The following CFAP210 variants were observed in gnomAD, a reference collection of about 807,000 sequenced individuals.
CFAP210 encodes the protein cilia and flagella associated protein 210.
chr2:169,694,399 G>A, the CFAP210 span: 13 of 1,449,236 alleles, frequency 9.0e-6, no homozygotes, highest in Admixed American at 1.8e-5. Flanking sequence ...GTTGTTACTC[G>A]TACCACGCGG....
At chr2:169,646,189 G>C in the CFAP210 span, 1 of 1,582,942 alleles carries the variant, frequency 6.3e-7, no homozygotes, top group African/African-American at 1.4e-5. Context: ...TGGCCTATTT[G>C]GGAAAGAAAG....
At chr2:169,678,695 C>T in the CFAP210 span, among the ~76,000 whole-genome samples, 5 of 151,658 alleles carry the variant, frequency 3.3e-5, no homozygotes, top group African/African-American at 7.3e-5. Context: ...CATGATGGTG[C>T]GGGCCTGTAT....
the CFAP210 span, among the ~76,000 whole-genome samples, chr2:169,673,455 A>T: frequency 6.6e-5 from 10 of 152,346 alleles, no homozygotes; most frequent in East Asian, 1.9e-3. Flanking sequence ...CCAAAGAAAA[A>T]CATTACAATA....
At chr2:169,691,537 C>G in the CFAP210 span, among the ~76,000 whole-genome samples, 46 of 152,254 alleles carry the variant, frequency 3.0e-4, no homozygotes, top group South Asian at 8.3e-4. Context: ...TCCACTCCCC[C>G]TTTCCCTCTT....
At chr2:169,692,882 T>C in the CFAP210 span, among the ~76,000 whole-genome samples, 2 of 152,226 alleles carry the variant, frequency 1.3e-5, no homozygotes, top group African/African-American at 4.8e-5. Context: ...TTACTGTGGT[T>C]ATCTAGGCTG....
chr2:169,650,581 A>G, the CFAP210 span: 50 of 1,344,274 alleles, frequency 3.7e-5, no homozygotes, highest in Non-Finnish European at 4.7e-5. Flanking sequence ...TGGAGCCAAC[A>G]TAATTTAATT....
At chr2:169,684,348 A>G in the CFAP210 span, among the ~76,000 whole-genome samples, 1 of 152,320 alleles carries the variant, frequency 6.6e-6, no homozygotes, top group African/African-American at 2.4e-5. Context: ...CCGCCACTGT[A>G]AACAGTAGCA....
chr2:169,667,849 A>T, the CFAP210 span, among the ~76,000 whole-genome samples: 1 of 152,140 alleles, frequency 6.6e-6, no homozygotes, highest in Non-Finnish European at 1.5e-5. Flanking sequence ...GAGCCCAGGC[A>T]GAGAAGATTT....
chr2:169,685,983 C>A, the CFAP210 span, among the ~76,000 whole-genome samples: 1 of 152,142 alleles, frequency 6.6e-6, no homozygotes, highest in Non-Finnish European at 1.5e-5. Flanking sequence ...CTTAAGCCAA[C>A]ACCACAATCT....
chr2:169,653,029 AATATAT>A, the CFAP210 span, among the ~76,000 whole-genome samples: 3,248 of 39,756 alleles, frequency 0.082, 189 homozygotes, highest in Admixed American at 0.11. Context: ...AAAAAAAAAA[AATATAT>A]ATATATATAT....
the CFAP210 span, among the ~76,000 whole-genome samples, chr2:169,670,199 T>C: frequency 0.15 from 23,346 of 152,158 alleles, 1,899 homozygotes; most frequent in Non-Finnish European, 0.18. Context: ...ACAGTGTCTA[T>C]AGCTACGGTG....
chr2:169,652,364 G>A, the CFAP210 span, among the ~76,000 whole-genome samples: 1 of 152,232 alleles, frequency 6.6e-6, no homozygotes, highest in Non-Finnish European at 1.5e-5. Context: ...CCAAAAAATA[G>A]TATTTTAAAC....
chr2:169,646,938 T>TA, the CFAP210 span, among the ~76,000 whole-genome samples: 7 of 152,170 alleles, frequency 4.6e-5, no homozygotes, highest in Admixed American at 4.6e-4. Flanking sequence ...TTTGACTACT[T>TA]AGGAATATAT....
chr2:169,690,497 T>C, the CFAP210 span, among the ~76,000 whole-genome samples: 1 of 152,090 alleles, frequency 6.6e-6, no homozygotes, highest in East Asian at 1.9e-4. Context: ...ACCCCATCTC[T>C]ACTAAAAGTA....
At chr2:169,654,040 G>C in the CFAP210 span, 1 of 1,548,464 alleles carries the variant, frequency 6.5e-7, no homozygotes, top group Non-Finnish European at 8.7e-7. Context: ...AATAATTTCA[G>C]ATAGTACTTT....
chr2:169,646,209 CT>C, the CFAP210 span: 1 of 1,523,050 alleles, frequency 6.6e-7, no homozygotes, highest in African/African-American at 1.4e-5. Context: ...GGAAATTTAA[CT>C]TAATATTGGT....
the CFAP210 span, among the ~76,000 whole-genome samples, chr2:169,693,103 G>A: frequency 1.4e-4 from 21 of 152,292 alleles, no homozygotes; most frequent in East Asian, 2.5e-3. Context: ...TTCAGGCATA[G>A]ATCCTATTTC....
At chr2:169,678,799 T>C in the CFAP210 span, among the ~76,000 whole-genome samples, 6 of 151,964 alleles carry the variant, frequency 3.9e-5, no homozygotes, top group African/African-American at 1.2e-4. Flanking sequence ...CACTCCAGAC[T>C]AGGCGACAGA....
At chr2:169,650,669 G>A in the CFAP210 span, 1 of 1,018,224 alleles carries the variant, frequency 9.8e-7, no homozygotes, top group Non-Finnish European at 1.3e-6. Context: ...TATTTTAAGT[G>A]GACATTATTT....
Sources: allele counts gnomAD v4.1 joint callset (sites outside exome capture counted in the v4.1 genomes callset), GRCh38; gene constraint gnomAD v4.1.1; transcripts MANE v1.5; gene names NCBI Gene and HGNC (gene_info 2026-07-23, HGNC 2026-07-21).